DCC: variants seen among roughly 807,000 people sequenced by gnomAD.
The protein encoded by DCC is DCC netrin 1 receptor, also known as netrin receptor DCC.
A neutral mutation model predicts 172.5 loss-of-function variants in DCC; 58 were observed. The observed-to-expected ratio is 0.34, with a 90% CI of 0.27 to 0.42. The LOEUF is 0.42. Among genes scored for constraint, DCC ranks in the 10% least tolerant of loss-of-function variants. The pLI is 1.00. For missense variants in DCC, 1,740 were observed against 1,791.0 expected (o/e 0.97, Z 0.51); for synonymous variants, 709 against 644.5 (o/e 1.10, Z -1.52).
At chr18:52,694,366 C>A (rs1391470332) in intron 1 of DCC, among the ~76,000 whole-genome samples, 1 of 151,948 alleles carries the variant, frequency 6.6e-6, no homozygotes, top group South Asian at 2.1e-4. Context: ...GTGTAAAAAA[C>A]TGGTGTAAAA....
chr18:52,594,064 A>C (rs1002352001), intron 1 of DCC, among the ~76,000 whole-genome samples: 3 of 152,210 alleles, frequency 2.0e-5, no homozygotes, highest in Non-Finnish European at 4.4e-5. Context: ...AGGAGAACCC[A>C]AAGGGGCATT....
intron 2 of DCC, among the ~76,000 whole-genome samples, chr18:52,837,207 A>T (rs1024777821): frequency 2.0e-5 from 3 of 152,140 alleles, no homozygotes; most frequent in Non-Finnish European, 4.4e-5. Flanking sequence ...TGATGGTAGG[A>T]TCTGCTGTGA....
In DCC at chr18:52,901,467, A is replaced by G. The variant is rs59505206; in HGVS notation, c.413-4577A>G. Among the ~76,000 whole-genome samples, 186 of 152,210 alleles carry G rather than the reference A, an allele frequency of 1.2e-3. 1 individual carries two copies. The highest frequency in any genetic ancestry group is 4.2e-3 in the African/African-American group (176 of 41,546). On this transcript the variant is annotated intron_variant, in intron 2 of 28. Transcript: ENST00000442544. ...AATAAATAAATAAATAAAAATAACA[A>G]TCATACTATAAACATTTGAAAGAGT...
At chr18:53,325,234 G>A (rs1278146535) in intron 14 of DCC, among the ~76,000 whole-genome samples, 1 of 150,870 alleles carries the variant, frequency 6.6e-6, no homozygotes, top group Non-Finnish European at 1.5e-5. Context: ...ATGCTTTGAG[G>A]TCCAGTGTAG....
chr18:53,206,487 AT>A (rs2055645281), intron 10 of DCC, among the ~76,000 whole-genome samples: 1 of 88,582 alleles, frequency 1.1e-5, no homozygotes, highest in African/African-American at 3.9e-5. Context: ...ATAATATATA[AT>A]GTATATGTAT....
intron 2 of DCC, among the ~76,000 whole-genome samples, chr18:52,904,488 T>A (rs1469935773): frequency 6.6e-6 from 1 of 152,244 alleles, no homozygotes; most frequent in African/African-American, 2.4e-5. Flanking sequence ...CAGGTCATTT[T>A]ACCTTTGCCC....
In DCC at chr18:53,509,872, G is replaced by A. The variant is rs1037210682; in HGVS notation, c.4111+10362G>A. Reference sequence around the variant, plus strand: ...CTGAAACAACTTTTCTGAATCTGAGGCCAAAAGCTGAGTACTTGTGCTCTA... The same window carrying A: ...CTGAAACAACTTTTCTGAATCTGAGACCAAAAGCTGAGTACTTGTGCTCTA... On this transcript the variant is annotated intron_variant, in intron 27 of 28. Coordinates refer to ENST00000442544, the MANE Select transcript of DCC (RefSeq NM_005215.4). 2.0e-5 allele frequency among the ~76,000 whole-genome samples: 3 copies of A among 152,100 alleles called. No homozygotes were observed. The South Asian group carries it at 6.2e-4, about 32-fold the overall frequency.
chr18:53,109,220 G>T (rs1236325489), intron 7 of DCC, among the ~76,000 whole-genome samples: 1 of 151,110 alleles, frequency 6.6e-6, no homozygotes, highest in African/African-American at 2.4e-5. Context: ...CAGGTCTCTT[G>T]TCTATTTTTA....
At chr18:52,631,603 C>T (rs953391531) in intron 1 of DCC, among the ~76,000 whole-genome samples, 12 of 152,196 alleles carry the variant, frequency 7.9e-5, no homozygotes, top group Admixed American at 2.0e-4. Context: ...CGGAAGGCTT[C>T]CCTGGAGCTT....
chr18:52,963,665 A>G (rs2040882461), intron 5 of DCC, among the ~76,000 whole-genome samples: 1 of 152,084 alleles, frequency 6.6e-6, no homozygotes. Context: ...AGGGAAAAAT[A>G]CCTTGAATTC....
intron 1 of DCC, among the ~76,000 whole-genome samples, chr18:52,535,287 T>C (rs1196825620): frequency 1.3e-5 from 2 of 152,236 alleles, no homozygotes; most frequent in Non-Finnish European, 2.9e-5. Context: ...AATCTGCTCC[T>C]GGTTTGGAAT....
intron 27 of DCC, among the ~76,000 whole-genome samples, chr18:53,517,407 C>T (rs1027561871): frequency 6.6e-6 from 1 of 150,740 alleles, no homozygotes; most frequent in South Asian, 2.1e-4. Context: ...ATGTAACTAA[C>T]CTGCACAATG....
intron 2 of DCC, among the ~76,000 whole-genome samples, chr18:52,753,211 A>G (rs1047071701): frequency 6.6e-6 from 1 of 152,164 alleles, no homozygotes; most frequent in South Asian, 2.1e-4. Flanking sequence ...ACCATTTTTC[A>G]TAATGGCTAT....
intron 1 of DCC, among the ~76,000 whole-genome samples, chr18:52,750,631 G>A (rs1000923282): frequency 1.3e-5 from 2 of 152,176 alleles, no homozygotes; most frequent in African/African-American, 4.8e-5. Flanking sequence ...AATTGAGTAT[G>A]CAGGAACGAA....
intron 1 of DCC, among the ~76,000 whole-genome samples, chr18:52,569,998 G>A (rs774578469): frequency 7.2e-5 from 11 of 152,148 alleles, no homozygotes; most frequent in Non-Finnish European, 1.3e-4. Flanking sequence ...AAGTACACTG[G>A]ATTAGGAGTC....
At chr18:52,768,527 G>A (rs933958318) in intron 2 of DCC, among the ~76,000 whole-genome samples, 1 of 152,112 alleles carries the variant, frequency 6.6e-6, no homozygotes, top group Non-Finnish European at 1.5e-5. Flanking sequence ...GCTATCCAAG[G>A]GGTATATTTT....
At chr18:52,959,898 A>G (rs1280621776) in intron 5 of DCC, among the ~76,000 whole-genome samples, 1 of 152,152 alleles carries the variant, frequency 6.6e-6, no homozygotes. Flanking sequence ...TGGGGGAATT[A>G]GGCAGTGATT....
At chr18:52,341,276 A>T (rs1983623610) in intron 1 of DCC, among the ~76,000 whole-genome samples, 1 of 152,140 alleles carries the variant, frequency 6.6e-6, no homozygotes, top group Admixed American at 6.5e-5. Context: ...CGAGGAGGAC[A>T]TCCAGGGGCT....
intron 7 of DCC, among the ~76,000 whole-genome samples, chr18:53,087,940 C>G (rs1162617093): frequency 2.6e-5 from 4 of 151,958 alleles, no homozygotes; most frequent in African/African-American, 9.7e-5. Context: ...TCTGAGGCCT[C>G]TGTTCTGTTC....
Sources: allele counts gnomAD v4.1 joint callset (sites outside exome capture counted in the v4.1 genomes callset), GRCh38; gene constraint gnomAD v4.1.1; transcripts MANE v1.5; gene names NCBI Gene and HGNC (gene_info 2026-07-23, HGNC 2026-07-21).